PANK1: variants seen among roughly 807,000 people sequenced by gnomAD.
PANK1 encodes pantothenate kinase 1, also known as pantothenic acid kinase 1.
A neutral mutation model predicts 40.1 loss-of-function variants in PANK1; 18 were observed. That is an observed-to-expected ratio of 0.45 (90% confidence interval 0.31 to 0.67). The LOEUF (loss-of-function observed/expected upper bound fraction) is 0.67. PANK1 is among the 30% of genes least tolerant of loss of function. The pLI is 0.06. For missense variants in PANK1, 457 were observed against 599.6 expected, an observed-to-expected ratio of 0.76 and a Z score of 2.48; for synonymous variants, 242 against 237.7, an observed-to-expected ratio of 1.02 and a Z score of -0.17.
intron 1 of PANK1, among the ~76,000 whole-genome samples, chr10:89,614,344 A>G (rs1485302139): frequency 6.6e-6 from 1 of 152,230 alleles, no homozygotes; most frequent in East Asian, 1.9e-4. Flanking sequence ...GTATTCCAGG[A>G]TAGGCATAAG....
At chr10:89,595,831 AAAATATATATATAT>A (rs1172099425) in intron 3 of PANK1, among the ~76,000 whole-genome samples, 21 of 56,728 alleles carry the variant, frequency 3.7e-4, no homozygotes, top group Admixed American at 1.5e-3. Context: ...AAAAAAAAAA[AAAATATATATATAT>A]ATATATATAT....
intron 1 of PANK1, among the ~76,000 whole-genome samples, chr10:89,630,492 T>G (rs1013010758): frequency 7.7e-6 from 1 of 129,270 alleles, no homozygotes; most frequent in South Asian, 2.7e-4. Context: ...TAATGTGCAG[T>G]TTTTTTGTTT....
chr10:89,639,508 T>G (rs1431183695), intron 1 of PANK1, among the ~76,000 whole-genome samples: 1 of 152,204 alleles, frequency 6.6e-6, no homozygotes, highest in Non-Finnish European at 1.5e-5. Flanking sequence ...CACATTGGGT[T>G]CTTACTACAA....
intron 1 of PANK1, among the ~76,000 whole-genome samples, chr10:89,641,764 TAAA>T (rs1841976229): frequency 9.2e-6 from 1 of 108,986 alleles, no homozygotes; most frequent in Admixed American, 9.1e-5. Context: ...AATAAATAAA[TAAA>T]TAAATAAAAT....
chr10:89,614,081 G>A (rs1589792744), intron 1 of PANK1: 1 of 453,160 alleles, frequency 2.2e-6, no homozygotes, highest in South Asian at 1.6e-5. Context: ...TCTGACCAGA[G>A]TCTTTTTCAG....
chr10:89,643,139 C>A (rs1479246708), intron 1 of PANK1, among the ~76,000 whole-genome samples: 1 of 152,178 alleles, frequency 6.6e-6, no homozygotes, highest in East Asian at 1.9e-4. Context: ...AAGCTAGAAG[C>A]TCCCTTTCAT....
Position 89,588,787 on chromosome 10 carries a change from A to G in PANK1, c.1201-10T>C. 1 of 1,564,488 alleles carries G rather than the reference A, an allele frequency of 6.4e-7. No individual in the cohort carries two copies. The highest frequency in any genetic ancestry group is 8.6e-7 in the Non-Finnish European group (1 of 1,157,506). ...CAACTCTGTCTATGTTCTGGAAAAA[A>G]TATTAAAGAAAACAATTGAATCATG... On this transcript the variant is annotated splice_polypyrimidine_tract_variant and intron_variant, in intron 5 of 6. Coordinates refer to ENST00000307534, the MANE Select transcript of PANK1 (RefSeq NM_148977.3).
intron 1 of PANK1, among the ~76,000 whole-genome samples, chr10:89,620,531 T>C (rs1845449354): frequency 6.6e-6 from 1 of 152,220 alleles, no homozygotes; most frequent in Non-Finnish European, 1.5e-5. Context: ...GTCAGACCTG[T>C]TGTCTGCTCT....
At chr10:89,642,450 G>T (rs1308114374) in intron 1 of PANK1, among the ~76,000 whole-genome samples, 1 of 152,194 alleles carries the variant, frequency 6.6e-6, no homozygotes, top group Non-Finnish European at 1.5e-5. Context: ...TGTCTAGCTT[G>T]ATGCTTCGCC....
At chr10:89,641,515 C>T (rs1293880306) in intron 1 of PANK1, among the ~76,000 whole-genome samples, 1 of 152,164 alleles carries the variant, frequency 6.6e-6, no homozygotes, top group Non-Finnish European at 1.5e-5. Flanking sequence ...CTCATTATTC[C>T]TGCCTGTTGC....
At chr10:89,637,392 C>T (rs1393166674) in intron 1 of PANK1, among the ~76,000 whole-genome samples, 1 of 152,188 alleles carries the variant, frequency 6.6e-6, no homozygotes, top group Non-Finnish European at 1.5e-5. Context: ...TTACACAACC[C>T]TAGACGCTAT....
intron 2 of PANK1, among the ~76,000 whole-genome samples, chr10:89,611,284 A>G (rs978638122): frequency 7.9e-5 from 12 of 152,248 alleles, no homozygotes; most frequent in African/African-American, 2.9e-4. Context: ...CATTTTTGGT[A>G]GGATTCATAG....
chr10:89,593,258 G>A lies in PANK1; in HGVS notation c.1139C>T (p.Ala380Val), dbSNP rs1297695193. Residue 380 changes from alanine (A) to valine (V), a missense_variant, in exon 5 of 7, where the codon GCC becomes GTC. Ala to Val is a moderately conservative substitution (Grantham distance 64). Around this residue, in one of 4 missense-constraint regions of PANK1, gnomAD observed 286 missense variants for 415.8 expected, o/e 0.69. Coordinates refer to ENST00000307534, the MANE Select transcript of PANK1 (RefSeq NM_148977.3). Reference protein sequence around the residue: ...DSISKEDLARATLVTITNNIG... With the variant: ...DSISKEDLARVTLVTITNNIG... The stretch of plus-strand genomic sequence containing the variant: ...GTTGTTGGTGATGGTGACCAATGTG[G>A]CCCGGGCGAGGTCTTCCTTGCTGAT... The A allele has an allele frequency of 2.5e-6, 4 of 1,613,460 alleles. No individual in the cohort carries two copies. The highest frequency in any genetic ancestry group is 3.4e-6 in the Non-Finnish European group (4 of 1,179,568).
intron 1 of PANK1, among the ~76,000 whole-genome samples, chr10:89,629,695 G>A (rs924597888): frequency 6.6e-6 from 1 of 152,160 alleles, no homozygotes; most frequent in African/African-American, 2.4e-5. Context: ...TGTCCCTTAC[G>A]GATGATAGCT....
intron 1 of PANK1, among the ~76,000 whole-genome samples, chr10:89,631,092 T>C (rs946676622): frequency 1.3e-5 from 2 of 152,220 alleles, no homozygotes; most frequent in African/African-American, 4.8e-5. Flanking sequence ...CACCATTACC[T>C]AAGACTTTCC....
At chr10:89,641,853 A>G (rs1240670712) in intron 1 of PANK1, among the ~76,000 whole-genome samples, 2 of 152,252 alleles carry the variant, frequency 1.3e-5, no homozygotes, top group Non-Finnish European at 1.5e-5. Flanking sequence ...GATAACTAGT[A>G]TCATCTAGTA....
At chr10:89,580,216 AC>A (rs1341577732), downstream of PANK1, 1 of 152,168 alleles carries the variant, frequency 6.6e-6, no homozygotes, top group Non-Finnish European at 1.5e-5. Context: ...CTCTGTAGCT[AC>A]TGCATGAGGT....
At chr10:89,603,278 C>T (rs1365967087) in intron 2 of PANK1, among the ~76,000 whole-genome samples, 2 of 152,172 alleles carry the variant, frequency 1.3e-5, no homozygotes, top group Admixed American at 6.5e-5. Context: ...GGAAGAGATG[C>T]ATACATGGAC....
intron 3 of PANK1, among the ~76,000 whole-genome samples, chr10:89,595,833 AATATATATATAT>A (rs369831755): frequency 1.5e-4 from 5 of 33,780 alleles, no homozygotes; most frequent in South Asian, 1.5e-3. Context: ...AAAAAAAAAA[AATATATATATAT>A]ATATATATAT....
Sources: allele counts gnomAD v4.1 joint callset (sites outside exome capture counted in the v4.1 genomes callset), GRCh38; gene constraint gnomAD v4.1.1; regional missense constraint gnomAD v4.1.1; transcripts MANE v1.5; gene names NCBI Gene and HGNC (gene_info 2026-07-23, HGNC 2026-07-21).